The following PTPRN2 variants were observed in gnomAD, a reference collection of about 807,000 sequenced individuals.
PTPRN2 encodes protein tyrosine phosphatase receptor type N2, also known as receptor-type tyrosine-protein phosphatase N2.
In PTPRN2, 74 loss-of-function variants were observed where a neutral mutation model predicts 118.8. That is an observed-to-expected ratio of 0.62 (90% CI 0.52 to 0.76). The LOEUF is 0.76. PTPRN2 is among the 30% of genes least tolerant of loss of function. PTPRN2 has a pLI of 0.00. For synonymous variants in PTPRN2, 641 were observed against 608.0 expected, an observed-to-expected ratio of 1.05 and a Z score of -0.80; for missense variants, 1,481 against 1,394.4, an observed-to-expected ratio of 1.06 and a Z score of -0.99.
At position 158,255,821 on chromosome 7, in the gene PTPRN2, T is replaced by C. The variant is rs202020326; in HGVS notation, c.278-50548A>G. 3.3e-4 allele frequency among the ~76,000 whole-genome samples: 47 copies of C among 141,274 alleles called. No individual in the cohort carries two copies. The East Asian group carries it at 0.01, about 31-fold the overall frequency. 92.7% of individuals were successfully genotyped at this position (141,274 alleles called of 152,430 possible). A position where few individuals can be genotyped will look rare whatever the true frequency, so the allele number is the denominator to read the frequency against. Reference sequence around the variant, plus strand: ...TGAGGCCAATGGGCCCTCCTGTCCCTGGGGCTTGGCACTAAGCCTCAGGGC... The same window carrying C: ...TGAGGCCAATGGGCCCTCCTGTCCCCGGGGCTTGGCACTAAGCCTCAGGGC... On this transcript the variant is annotated intron_variant, in intron 3 of 22. Coordinates refer to ENST00000389418, the MANE Select transcript of PTPRN2 (RefSeq NM_002847.5).
At chr7:157,792,169 GC>G (rs1441651123) in intron 12 of PTPRN2, among the ~76,000 whole-genome samples, 4 of 152,244 alleles carry the variant, frequency 2.6e-5, no homozygotes, top group Non-Finnish European at 4.4e-5. Context: ...ATCTTGAGCT[GC>G]CTCATGGGGT....
At chr7:157,681,850 G>C (rs1285604310) in intron 13 of PTPRN2, among the ~76,000 whole-genome samples, 1 of 152,200 alleles carries the variant, frequency 6.6e-6, no homozygotes, top group Non-Finnish European at 1.5e-5. Flanking sequence ...TGTGACTAGA[G>C]AAAACAAAGG....
intron 12 of PTPRN2, among the ~76,000 whole-genome samples, chr7:157,811,042 C>T (rs28475454): frequency 0.11 from 17,380 of 151,966 alleles, 1,301 homozygotes; most frequent in African/African-American, 0.19. Flanking sequence ...GAGGCCAAGG[C>T]AGGCGGATCA....
intron 2 of PTPRN2, among the ~76,000 whole-genome samples, chr7:158,356,369 A>G (rs978298966): frequency 6.6e-6 from 1 of 152,216 alleles, no homozygotes; most frequent in Non-Finnish European, 1.5e-5. Context: ...CTTAAGGCTT[A>G]GTTGCAGGAA....
chr7:157,543,740 G>A (rs1011391675), intron 22 of PTPRN2, among the ~76,000 whole-genome samples: 33 of 152,342 alleles, frequency 2.2e-4, no homozygotes, highest in Admixed American at 1.7e-3. Flanking sequence ...TGCCCTCCAG[G>A]AGGCTGCACA....
rs1187266784 is a variant in PTPRN2 at position 158,359,559 on chromosome 7, A to G, written c.164-42627T>C. ...TTGCAGCCTGAGGACAACTTTCAGCAACACCGCGACACTCTAGGTTGTTTT... is the reference window on the plus strand; with the variant it reads ...TTGCAGCCTGAGGACAACTTTCAGCGACACCGCGACACTCTAGGTTGTTTT... On this transcript the variant is annotated intron_variant, in intron 2 of 22. Coordinates refer to ENST00000389418, the MANE Select transcript of PTPRN2 (RefSeq NM_002847.5). Among the ~76,000 whole-genome samples, 4 of 152,128 alleles carry G rather than the reference A, an allele frequency of 2.6e-5. No homozygotes were observed. In the East Asian group the frequency reaches 7.7e-4, roughly 29 times the overall value.
rs1585581430 is a variant in PTPRN2, at chr7:158,139,624, C to T, written c.911-1109G>A. ...ATAATAAAATGCAAGGAGAACCACG[C>T]CATGACTTCAGCTGAGCTACTGCAA... On this transcript the variant is annotated intron_variant, in intron 6 of 22. Transcript: ENST00000389418. Among the ~76,000 whole-genome samples the T allele has an allele frequency of 2.6e-5, 4 of 152,080 alleles. No homozygotes were observed. The Middle Eastern group carries it at 0.014, about 517-fold the overall frequency.
intron 12 of PTPRN2, among the ~76,000 whole-genome samples, chr7:157,689,081 C>T (rs1388142721): frequency 6.6e-6 from 1 of 152,218 alleles, no homozygotes; most frequent in African/African-American, 2.4e-5. Context: ...GCTCGCAGCC[C>T]CCGGGCGGCG....
intron 12 of PTPRN2, among the ~76,000 whole-genome samples, chr7:157,800,027 C>T (rs1487173893): frequency 6.6e-6 from 1 of 150,740 alleles, no homozygotes; most frequent in Non-Finnish European, 1.5e-5. Flanking sequence ...GCAGCCTCCT[C>T]TGTCCCTCAG....
chr7:158,550,815 T>C (rs1826602070), intron 1 of PTPRN2, among the ~76,000 whole-genome samples: 1 of 152,216 alleles, frequency 6.6e-6, no homozygotes, highest in African/African-American at 2.4e-5. Flanking sequence ...AGTTTTTAAA[T>C]CCTGCTGCTG....
At chr7:158,153,886 C>A (rs1009755239) in intron 6 of PTPRN2, among the ~76,000 whole-genome samples, 3 of 98,614 alleles carry the variant, frequency 3.0e-5, no homozygotes, top group African/African-American at 9.1e-5. Flanking sequence ...GGAGGGGGCA[C>A]CCTGGGTGTG....
At position 157,729,742 on chromosome 7, in the gene PTPRN2, C is replaced by G. The variant is rs1164680643; in HGVS notation, c.1789-46805G>C. Among the ~76,000 whole-genome samples the G allele has an allele frequency of 6.6e-6, 1 of 152,194 alleles. No homozygotes were observed. Among genetic ancestry groups the G allele is most frequent in the Non-Finnish European group, 1.5e-5 (1 of 68,040 alleles). The stretch of plus-strand genomic sequence containing the variant: ...AAGGACCCAGGAAGAGGGCTGAGGT[C>G]TCACGCCTGGCAGAGATGGTGCCCA... On this transcript the variant is annotated intron_variant, in intron 12 of 22. Coordinates refer to ENST00000389418, the MANE Select transcript of PTPRN2 (RefSeq NM_002847.5). The surrounding 1 kb of genome is among the most constrained non-coding windows in gnomAD (Gnocchi z 4.3).
intron 1 of PTPRN2, among the ~76,000 whole-genome samples, chr7:158,515,890 A>C (rs1360448486): frequency 6.6e-6 from 1 of 152,132 alleles, no homozygotes; most frequent in Non-Finnish European, 1.5e-5. Flanking sequence ...ATACGTTTCC[A>C]CACTTTTTCC....
intron 11 of PTPRN2, among the ~76,000 whole-genome samples, chr7:158,054,143 G>T (rs1193722423): frequency 6.6e-6 from 1 of 151,922 alleles, no homozygotes; most frequent in Non-Finnish European, 1.5e-5. Flanking sequence ...GAGCATGGGG[G>T]CCCTAGAGAG....
intron 9 of PTPRN2, among the ~76,000 whole-genome samples, chr7:158,115,295 G>A (rs1245445893): frequency 1.3e-5 from 2 of 152,146 alleles, no homozygotes; most frequent in Admixed American, 1.3e-4. Flanking sequence ...AATGAGACAT[G>A]AGCTCAAGCA....
intron 12 of PTPRN2, among the ~76,000 whole-genome samples, chr7:157,837,017 ACC>A: frequency 9.6e-6 from 1 of 104,392 alleles, no homozygotes; most frequent in South Asian, 2.9e-4. Context: ...CCACCCATCC[ACC>A]CACCACCACC....
chr7:157,773,088 A>G (rs1385753587), intron 12 of PTPRN2, among the ~76,000 whole-genome samples: 2 of 152,176 alleles, frequency 1.3e-5, no homozygotes, highest in Admixed American at 6.5e-5. Flanking sequence ...TCCACACATC[A>G]TCCTCAGTGC....
In PTPRN2 at chr7:158,400,332, C is replaced by G. The variant is rs529543383; in HGVS notation, c.164-83400G>C. Among the ~76,000 whole-genome samples the G allele has an allele frequency of 2.0e-5, 3 of 152,222 alleles. No homozygotes were observed. In the South Asian group the frequency reaches 6.2e-4, roughly 32 times the overall value. On this transcript the variant is annotated intron_variant, in intron 2 of 22. Transcript: ENST00000389418. ...CAGAACCCATGCTGTCCCATCTCCC[C>G]CACACTCAGGCTGGAGCAGCATTCT...
chr7:158,271,498 G>C (rs933308582), intron 3 of PTPRN2, among the ~76,000 whole-genome samples: 2 of 152,144 alleles, frequency 1.3e-5, no homozygotes, highest in Non-Finnish European at 2.9e-5. Context: ...ACTCTCAGCA[G>C]AGTCCACATG....
Sources: gnomAD v4.1 joint callset for allele counts (sites outside exome capture counted in the v4.1 genomes callset) on GRCh38, gnomAD v4.1.1 for gene constraint, Gnocchi (gnomAD v3.1) non-coding constraint, MANE v1.5 for transcripts, NCBI Gene and HGNC (gene_info 2026-07-23, HGNC 2026-07-21) for gene names.